The following HACL1 variants were observed in gnomAD, a reference collection of about 807,000 sequenced individuals.
HACL1 encodes the protein 1600020H07Rik.
HACL1 carries 64 observed loss-of-function variants against 74.2 expected under a neutral mutation model. The ratio of observed to expected loss-of-function variants is 0.86; its 90% CI spans 0.70 to 1.06. The LOEUF (loss-of-function observed/expected upper bound fraction) is 1.06. HACL1 is among the 50% of genes least tolerant of loss of function. The pLI is 0.00. For missense variants in HACL1, 728 were observed against 719.7 expected, an observed-to-expected ratio of 1.01 and a Z score of -0.13; for synonymous variants, 230 against 238.8, an observed-to-expected ratio of 0.96 and a Z score of 0.34.
At chr3:15,600,525 G>A (rs765044257) in intron 2 of HACL1, among the ~76,000 whole-genome samples, 1 of 152,192 alleles carries the variant, frequency 6.6e-6, no homozygotes, top group African/African-American at 2.4e-5. Flanking sequence ...GCATGATGTG[G>A]TGGAAAAAGC....
At chr3:15,580,678 G>C (rs2063703648) in intron 8 of HACL1, among the ~76,000 whole-genome samples, 1 of 152,074 alleles carries the variant, frequency 6.6e-6, no homozygotes, top group Non-Finnish European at 1.5e-5. Flanking sequence ...TATCTTCATT[G>C]AGAGGCCCAG....
At chr3:15,573,622 G>C (rs931138601) in intron 10 of HACL1, among the ~76,000 whole-genome samples, 5 of 152,136 alleles carry the variant, frequency 3.3e-5, no homozygotes, top group Non-Finnish European at 7.3e-5. Context: ...GAGTCACCTG[G>C]TATATTCTGG....
Position 15,567,946 on chromosome 3 carries a change from G to A in HACL1, c.1307C>T (p.Ala436Val). 2 of 1,613,830 alleles carry A rather than the reference G, an allele frequency of 1.2e-6. No homozygotes were observed. Among genetic ancestry groups the A allele is most frequent in the South Asian group, 2.2e-5 (2 of 91,070 alleles). ...GCTTCTATCTTTAGCCACCACGGCA[G>A]CTGCAATAGCAAATCCCAAACCAAC... is the stretch of plus-strand genomic sequence containing the variant. ...MGVGLGFAIAAAVVAKDRSPG... is the reference protein window; with the variant it reads ...MGVGLGFAIAVAVVAKDRSPG... The change falls in exon 14 of 17, where the codon GCT becomes GTT. Residue 436 changes from alanine (A) to valine (V), a missense_variant. Physicochemically the swap from Ala to Val is moderately conservative, Grantham distance 64 (BLOSUM62 0). Transcript: ENST00000321169.
chr3:15,564,711 C>A, intron 14 of HACL1, 53 bp from the exon 15 acceptor site: 1 of 750,192 alleles, frequency 1.3e-6, no homozygotes, highest in East Asian at 2.8e-5. Context: ...AAAGTAATTT[C>A]TTTTCTTTGG....
chr3:15,569,058 A>G (rs1294300040), intron 12 of HACL1, among the ~76,000 whole-genome samples: 1 of 152,206 alleles, frequency 6.6e-6, no homozygotes, highest in Non-Finnish European at 1.5e-5. Context: ...TTTTTCCCCC[A>G]ACACACTTAA....
intron 10 of HACL1, among the ~76,000 whole-genome samples, chr3:15,574,287 AAGCT>A (rs1424905849): frequency 6.6e-6 from 1 of 152,210 alleles, no homozygotes; most frequent in Non-Finnish European, 1.5e-5. Context: ...AGGATCACTT[AAGCT>A]CGAGAGGTTG....
At chr3:15,575,508 T>G (rs1360424284) in intron 9 of HACL1, among the ~76,000 whole-genome samples, 2 of 152,136 alleles carry the variant, frequency 1.3e-5, no homozygotes, top group Non-Finnish European at 2.9e-5. Flanking sequence ...TTTTACATAG[T>G]TGAGCTTATA....
At chr3:15,594,373 T>C (rs1254876424) in intron 3 of HACL1, among the ~76,000 whole-genome samples, 1 of 152,156 alleles carries the variant, frequency 6.6e-6, no homozygotes, top group Non-Finnish European at 1.5e-5. Flanking sequence ...GCCACTGCAC[T>C]CCAGCATGGA....
intron 2 of HACL1, among the ~76,000 whole-genome samples, chr3:15,597,157 CTCAA>C (rs763374271): frequency 1.0e-3 from 158 of 152,218 alleles, no homozygotes; most frequent in Non-Finnish European, 1.9e-3. Flanking sequence ...CTCTTTTATT[CTCAA>C]TCAGTCTATC....
chr3:15,601,252 T>C, intron 1 of HACL1, 58 bp from the exon 2 acceptor site: 6 of 1,536,692 alleles, frequency 3.9e-6, no homozygotes, highest in Non-Finnish European at 5.4e-6. Context: ...CGCCACATCC[T>C]TCCCTCCCTC....
At position 15,601,377 on chromosome 3, in the gene HACL1, T is replaced by C. The variant is rs2064232075; in HGVS notation, c.81+6A>G. 1.9e-6 allele frequency: 3 copies of C among 1,614,108 alleles called. No homozygotes were observed. Among genetic ancestry groups the C allele is most frequent in the Non-Finnish European group, 2.5e-6 (3 of 1,180,018 alleles). On this transcript the variant is annotated splice_donor_region_variant and intron_variant, in intron 1 of 16. Coordinates refer to ENST00000321169, the MANE Select transcript of HACL1 (RefSeq NM_012260.4). ...GAGCCTTTCATTCCAGGAAGGTCCATCGTACTTGCGTTTTCAGGGCCTGAG... is the reference window on the plus strand; with the variant it reads ...GAGCCTTTCATTCCAGGAAGGTCCACCGTACTTGCGTTTTCAGGGCCTGAG...
At chr3:15,599,259 A>G (rs2064130576) in intron 2 of HACL1, among the ~76,000 whole-genome samples, 1 of 152,218 alleles carries the variant, frequency 6.6e-6, no homozygotes, top group Non-Finnish European at 1.5e-5. Context: ...CACCCAACAC[A>G]GCACATGGGA....
intron 7 of HACL1, 128 bp from the exon 8 acceptor site, chr3:15,583,117 CAACTT>C: frequency 1.8e-6 from 1 of 551,558 alleles, no homozygotes; most frequent in East Asian, 3.0e-5. Flanking sequence ...GTAGATCTAA[CAACTT>C]AATATCATTT....
At chr3:15,591,463 T>C in intron 4 of HACL1, 137 bp downstream of exon 4, 1 of 532,328 alleles carries the variant, frequency 1.9e-6, no homozygotes, top group Non-Finnish European at 3.5e-6. Context: ...GGTAACTAAC[T>C]CTACTTTCAG....
chr3:15,575,003 A>G lies in HACL1; in HGVS notation c.883T>C (p.Tyr295His). Residue 295 changes from tyrosine (Y) to histidine (H), a missense_variant, in exon 10 of 17, where the codon TAT becomes CAT. Coordinates refer to ENST00000321169, the MANE Select transcript of HACL1 (RefSeq NM_012260.4). ...WILHFGLPPR[Y>H]QPDVKFIQVD... is the part of the protein sequence containing the mutation. ...TGGATAAACTTCACATCTGGCTGAT[A>G]TCTTGGAGGCAGTCCAAAATGTAAA... 6.4e-7 allele frequency: 1 copy of G among 1,567,456 alleles called. No homozygotes were observed.
Position 15,596,442 on chromosome 3 carries a change from T to C in HACL1, c.187-18A>G. ...TAACAAGCCTACGAGAAAACAACAC[T>C]GGGACTTGAGCATATTGGGATCCTT... On this transcript the variant is annotated intron_variant, in intron 2 of 16. Transcript: ENST00000321169. 2.6e-6 allele frequency: 4 copies of C among 1,549,676 alleles called. No individual in the cohort carries two copies. The highest frequency in any genetic ancestry group is 2.2e-5 in the East Asian group (1 of 44,556).
At chr3:15,566,800 G>A (rs1209589744) in intron 14 of HACL1, among the ~76,000 whole-genome samples, 1 of 149,458 alleles carries the variant, frequency 6.7e-6, no homozygotes, top group African/African-American at 2.5e-5. Context: ...AGGAGACTGA[G>A]GCTTGGTTAA....
rs1359041488 is a variant in HACL1 at position 15,569,521 on chromosome 3, T to TA, written c.1096-936dup. On this transcript the variant is annotated intron_variant, in intron 12 of 16. Coordinates refer to ENST00000321169, the MANE Select transcript of HACL1 (RefSeq NM_012260.4). ...CAACATGGTGAAATCCTGTCTCTAC[T>TA]AAAAAAAATACAAAAATTGGCTGGG... Among the ~76,000 whole-genome samples the TA allele has an allele frequency of 4.7e-5, 7 of 149,636 alleles. No homozygotes were observed. The South Asian group carries it at 8.5e-4, about 18-fold the overall frequency.
At chr3:15,568,317 CCTTA>C in intron 13 of HACL1, 111 bp downstream of exon 13, 3 of 705,834 alleles carry the variant, frequency 4.3e-6, no homozygotes, top group Non-Finnish European at 7.3e-6. Context: ...TGAAATATGT[CCTTA>C]CATACTAAAC....
Sources: gnomAD v4.1 joint callset for allele counts (sites outside exome capture counted in the v4.1 genomes callset) on GRCh38, gnomAD v4.1.1 for gene constraint, MANE v1.5 for transcripts, NCBI Gene and HGNC (gene_info 2026-07-23, HGNC 2026-07-21) for gene names.